Variants in SPC24 observed in about 807,000 individuals in gnomAD.
SPC24 encodes the protein SPC24 component of NDC80 kinetochore complex, also known as kinetochore protein Spc24.
In SPC24, 31 loss-of-function variants were observed where a neutral mutation model predicts 27.6. The observed-to-expected ratio is 1.12, with a 90% CI of 0.84 to 1.52. The LOEUF (loss-of-function observed/expected upper bound fraction) is 1.52. SPC24 is among the 40% of genes most tolerant of loss of function. The pLI is 0.00. For synonymous variants in SPC24, 105 were observed against 105.8 expected, an observed-to-expected ratio of 0.99 and a Z score of 0.05; for missense variants, 284 against 252.5, an observed-to-expected ratio of 1.12 and a Z score of -0.84.
intron 1 of SPC24, among the ~76,000 whole-genome samples, chr19:11,153,717 G>A (rs1047929067): frequency 6.8e-6 from 1 of 147,462 alleles, no homozygotes; most frequent in Non-Finnish European, 1.5e-5. Flanking sequence ...CAGAGATCAC[G>A]CTGCTGTACT....
At position 11,148,092 on chromosome 19, in the gene SPC24, G is replaced by A; in HGVS notation, c.331C>T (p.Leu111Phe). 1 of 1,613,728 alleles carries A rather than the reference G, an allele frequency of 6.2e-7. No individual in the cohort carries two copies. The highest frequency in any genetic ancestry group is 1.1e-5 in the South Asian group (1 of 91,050). Reference sequence around the variant, plus strand: ...TCCAGATCCGCCTCAATCTCCTTGAGCTCTTCCAGCTCTCTGGTGAGCTGA... The same window carrying A: ...TCCAGATCCGCCTCAATCTCCTTGAACTCTTCCAGCTCTCTGGTGAGCTGA... ...LLQLTRELEE[L>F]KEIEADLERQ... Residue 111 changes from leucine (L) to phenylalanine (F), a missense_variant, in exon 3 of 5, where the codon CTC becomes TTC. By Grantham distance (22) the Leu-to-Phe change is conservative. Transcript: ENST00000592540.
chr19:11,153,409 A>T (rs2077887587), intron 1 of SPC24, among the ~76,000 whole-genome samples: 1 of 151,586 alleles, frequency 6.6e-6, no homozygotes, highest in African/African-American at 2.4e-5. Flanking sequence ...AGATCACGCC[A>T]CTGCACTCCA....
chr19:11,146,749 CAG>C lies in SPC24; in HGVS notation c.*432_*433del, dbSNP rs2077828192. 5 of 136,816 alleles carry C rather than the reference CAG, an allele frequency of 3.7e-5. No homozygotes were observed. In the Admixed American group the frequency reaches 4.0e-4, roughly 11 times the overall value. 8.5% of individuals were successfully genotyped at this position (136,816 alleles called of 1,614,324 possible). ...CACCACTGCACTCCAGCCTGGGCGA[CAG>C]AGTGAGACTCCGTCTCAAAAAAAAA... On this transcript the variant is annotated 3_prime_UTR_variant, in exon 5 of 5. Coordinates refer to ENST00000592540, the MANE Select transcript of SPC24 (RefSeq NM_182513.4).
intron 2 of SPC24, among the ~76,000 whole-genome samples, 154 bp downstream of exon 2, chr19:11,148,940 G>A (rs1048915323): frequency 2.0e-5 from 3 of 151,896 alleles, no homozygotes; most frequent in Admixed American, 6.6e-5. Context: ...TTGTAGAGAC[G>A]GGGTCTCTGT....
rs564776502 is a variant in SPC24, at chr19:11,145,853, G to A, written c.*1330C>T. 1 of 152,170 alleles carries A rather than the reference G, an allele frequency of 6.6e-6. No individual in the cohort carries two copies. The highest frequency in any genetic ancestry group is 2.4e-5 in the African/African-American group (1 of 41,442). The allele number at this position is 152,170 out of a possible 1,614,324, so 9.4% of individuals were successfully genotyped here. On this transcript the variant is annotated 3_prime_UTR_variant, in exon 5 of 5. Coordinates refer to ENST00000592540, the MANE Select transcript of SPC24 (RefSeq NM_182513.4). ...CCAGACCTTAACTATAAGGGCAGCT[G>A]GGAAGTGTTGTATTTTAACTCCCAA...
intron 4 of SPC24, 188 bp downstream of exon 4, chr19:11,147,630 C>A: frequency 1.6e-6 from 1 of 611,040 alleles, no homozygotes; most frequent in Non-Finnish European, 2.9e-6. Flanking sequence ...GACGTGGGGT[C>A]TCACTGATAC....
chr19:11,152,334 C>G (rs540247426), intron 1 of SPC24, among the ~76,000 whole-genome samples: 4 of 152,056 alleles, frequency 2.6e-5, no homozygotes, highest in Non-Finnish European at 5.9e-5. Flanking sequence ...CTCAGCCTCC[C>G]GAGTAGCTGG....
intron 4 of SPC24, 149 bp downstream of exon 4, chr19:11,147,669 A>T (rs2077837152): frequency 1.4e-6 from 1 of 704,234 alleles, no homozygotes; most frequent in African/African-American, 1.8e-5. Flanking sequence ...CCTGGCCTCA[A>T]GTGATCCTCC....
intron 1 of SPC24, among the ~76,000 whole-genome samples, chr19:11,153,947 A>G (rs2077892565): frequency 1.4e-5 from 2 of 147,550 alleles, no homozygotes; most frequent in Admixed American, 1.4e-4. Flanking sequence ...GGTGGCGGGC[A>G]CCTGTAGTCC....
chr19:11,151,890 G>C (rs537336469), intron 1 of SPC24, among the ~76,000 whole-genome samples: 1 of 149,752 alleles, frequency 6.7e-6, no homozygotes, highest in South Asian at 2.1e-4. Flanking sequence ...TTACAGGTGT[G>C]AGCCACCGCA....
chr19:11,150,737 C>T (rs374360172), intron 1 of SPC24, among the ~76,000 whole-genome samples: 3 of 152,046 alleles, frequency 2.0e-5, no homozygotes, highest in Non-Finnish European at 2.9e-5. Context: ...GAGCCATAAT[C>T]GCTGTCACTG....
chr19:11,147,269 C>A lies in SPC24; in HGVS notation c.508G>T (p.Ala170Ser). 1 of 1,567,294 alleles carries A rather than the reference C, an allele frequency of 6.4e-7. No homozygotes were observed. The highest frequency in any genetic ancestry group is 2.4e-5 in the East Asian group (1 of 42,436). The change falls in exon 5 of 5, where the codon GCC becomes TCC. Residue 170 changes from alanine to serine, a missense_variant. By Grantham distance (99) the Ala-to-Ser change is moderately conservative. Coordinates refer to ENST00000592540, the MANE Select transcript of SPC24 (RefSeq NM_182513.4). The stretch of plus-strand genomic sequence containing the variant: ...GTGCTGTCCAGGTGGATGGGCTGGG[C>A]CACACTGGGGCCATGATGGACTGAG... ...VKGIHHGPSV[A>S]QPIHLDSTQL... is the part of the protein sequence containing the mutation.
chr19:11,151,279 C>T (rs1036526781), intron 1 of SPC24, among the ~76,000 whole-genome samples: 4 of 152,070 alleles, frequency 2.6e-5, no homozygotes, highest in East Asian at 1.9e-4. Flanking sequence ...TGAACACACA[C>T]GCACACACCC....
rs1043956928 is a variant in SPC24 at position 11,146,949 on chromosome 19, G to A, written c.*234C>T. The A allele has an allele frequency of 4.2e-5, 11 of 261,152 alleles. No individual in the cohort carries two copies. Among genetic ancestry groups the A allele is most frequent in the South Asian group, 1.1e-4 (2 of 18,620 alleles). The allele number at this position is 261,152 out of a possible 1,614,324, so 16.2% of individuals were successfully genotyped here. A position where few individuals can be genotyped will look rare whatever the true frequency, so the allele number is the denominator to read the frequency against. On this transcript the variant is annotated 3_prime_UTR_variant, in exon 5 of 5. Transcript: ENST00000592540. ...CAAAAAATTAGCTGGGTGTGGTGGC[G>A]CATGCCTGTAATCCCAGCTACTTTG... is the stretch of plus-strand genomic sequence containing the variant.
At chr19:11,150,647 T>C (rs1298450098) in intron 1 of SPC24, among the ~76,000 whole-genome samples, 1 of 151,720 alleles carries the variant, frequency 6.6e-6, no homozygotes, top group Non-Finnish European at 1.5e-5. Flanking sequence ...ACACAAAAAA[T>C]TAGCTGGGCA....
intron 1 of SPC24, among the ~76,000 whole-genome samples, chr19:11,155,341 A>G (rs894604908): frequency 6.6e-6 from 1 of 152,140 alleles, no homozygotes; most frequent in African/African-American, 2.4e-5. Context: ...TCAAACCCTG[A>G]GACCCCCAGC....
Position 11,146,124 on chromosome 19 carries a change from C to T in SPC24, c.*1059G>A, listed in dbSNP as rs1314158461. On this transcript the variant is annotated 3_prime_UTR_variant, in exon 5 of 5. Coordinates refer to ENST00000592540, the MANE Select transcript of SPC24 (RefSeq NM_182513.4). ...ATGAAGCCTGCACACTCTGGTGTGGCTCCTGTCGCAATCTGGACCTCTCTC... is the reference window on the plus strand; with the variant it reads ...ATGAAGCCTGCACACTCTGGTGTGGTTCCTGTCGCAATCTGGACCTCTCTC... 6.6e-6 allele frequency: 1 copy of T among 152,084 alleles called. No homozygotes were observed. The highest frequency in any genetic ancestry group is 1.5e-5 in the Non-Finnish European group (1 of 68,046). 9.4% of individuals were successfully genotyped at this position (152,084 alleles called of 1,614,324 possible).
At chr19:11,151,622 G>C (rs28447100) in intron 1 of SPC24, among the ~76,000 whole-genome samples, 1 of 101,264 alleles carries the variant, frequency 9.9e-6, no homozygotes, top group African/African-American at 3.8e-5. Flanking sequence ...TTTTTTTTGG[G>C]GGGGGGGGAT....
At chr19:11,147,315 C>T (rs768601401) in intron 4 of SPC24, 26 bp from the exon 5 acceptor site, 9 of 1,489,204 alleles carry the variant, frequency 6.0e-6, no homozygotes, top group African/African-American at 1.4e-5. Context: ...AAGGAAAGCC[C>T]GGGACACACA....
Sources: gnomAD v4.1 joint callset for allele counts (sites outside exome capture counted in the v4.1 genomes callset) on GRCh38, gnomAD v4.1.1 for gene constraint, MANE v1.5 for transcripts, NCBI Gene and HGNC (gene_info 2026-07-23, HGNC 2026-07-21) for gene names.